The following PKP4 variants were observed in gnomAD, a reference collection of about 807,000 sequenced individuals.
The protein encoded by PKP4 is plakophilin 4, also known as plakophilin-4.
In PKP4, 90 loss-of-function variants were observed where a neutral mutation model predicts 145.1. The observed-to-expected ratio is 0.62, with a 90% CI of 0.52 to 0.74. PKP4 has a LOEUF of 0.74. PKP4 is among the 30% of genes least tolerant of loss of function. The pLI is 0.00. For missense variants in PKP4, 1,340 were observed against 1,482.7 expected (o/e 0.90, Z 1.58); for synonymous variants, 563 against 577.2 (o/e 0.98, Z 0.35).
At position 158,492,665 on chromosome 2, in the gene PKP4, C is replaced by A. The variant is rs956187519; in HGVS notation, c.-6+35447C>A. Among the ~76,000 whole-genome samples the A allele has an allele frequency of 2.0e-5, 3 of 152,298 alleles. No homozygotes were observed. The East Asian group carries it at 5.8e-4, about 29-fold the overall frequency. On this transcript the variant is annotated intron_variant, in intron 1 of 21. Transcript: ENST00000389759. ...AATTGCTTTCCTTCTTTGCCTGTTA[C>A]AATAGTATTTTTTTCTGTCTCCTTT...
intron 1 of PKP4, among the ~76,000 whole-genome samples, chr2:158,505,659 G>C (rs558620904): frequency 6.6e-6 from 1 of 152,210 alleles, no homozygotes; most frequent in Admixed American, 6.5e-5. Flanking sequence ...GATAGGAGAA[G>C]TGAGGGTTTT....
At chr2:158,594,047 A>G (rs2049503364) in intron 3 of PKP4, among the ~76,000 whole-genome samples, 1 of 152,216 alleles carries the variant, frequency 6.6e-6, no homozygotes, top group African/African-American at 2.4e-5. Context: ...ACTGAGGGAA[A>G]TATGAGTCTG....
At chr2:158,573,326 C>T (rs943869224) in intron 2 of PKP4, among the ~76,000 whole-genome samples, 1 of 152,106 alleles carries the variant, frequency 6.6e-6, no homozygotes, top group Non-Finnish European at 1.5e-5. Context: ...CCATTTATGG[C>T]TCTCTAAATA....
chr2:158,678,722 T>G, intron 21 of PKP4, 68 bp downstream of exon 21: 1 of 1,012,026 alleles, frequency 9.9e-7, no homozygotes, highest in Admixed American at 1.7e-5. Context: ...TCCACGTCGA[T>G]TGACTTCCCA....
chr2:158,677,133 AT>A (rs1277460013), intron 20 of PKP4: 1 of 430,224 alleles, frequency 2.3e-6, no homozygotes, highest in Non-Finnish European at 4.4e-6. Flanking sequence ...CAAATAAATC[AT>A]TTCTGGCTGC....
chr2:158,657,131 TG>T (rs1187883945), intron 11 of PKP4, among the ~76,000 whole-genome samples: 3 of 151,390 alleles, frequency 2.0e-5, no homozygotes, highest in Non-Finnish European at 4.4e-5. Context: ...TGTAGGACTC[TG>T]GGGGGGACTT....
At chr2:158,533,069 C>T in intron 1 of PKP4, 111 bp from the exon 2 acceptor site, 2 of 1,077,636 alleles carry the variant, frequency 1.9e-6, no homozygotes, top group Admixed American at 3.3e-5. Context: ...AGTTTTTGAT[C>T]ATGGTGTGTA....
chr2:158,667,459 C>T (rs1209676582), intron 16 of PKP4, among the ~76,000 whole-genome samples: 2 of 152,108 alleles, frequency 1.3e-5, no homozygotes, highest in African/African-American at 4.8e-5. Flanking sequence ...ATGCCAAGTC[C>T]CACAGCTGGT....
At chr2:158,600,396 T>C (rs1558866840) in intron 3 of PKP4, among the ~76,000 whole-genome samples, 1 of 152,182 alleles carries the variant, frequency 6.6e-6, no homozygotes, top group Non-Finnish European at 1.5e-5. Flanking sequence ...GATGGAGTCA[T>C]TTGTGGGCAC....
rs981865453 is a variant in PKP4, at chr2:158,649,259, G to A, written c.1909+6560G>A. ...TTGAGCAGGCAAGTCTCCAGGCTGA[G>A]TTCCTGATGTCCAGGCTGGAGGTGT... On this transcript the variant is annotated intron_variant, in intron 11 of 21. Coordinates refer to ENST00000389759, the MANE Select transcript of PKP4 (RefSeq NM_003628.6). Among the ~76,000 whole-genome samples the A allele has an allele frequency of 1.3e-4, 20 of 152,252 alleles. No homozygotes were observed. In the East Asian group the frequency reaches 3.9e-3, roughly 29 times the overall value.
chr2:158,556,025 G>A (rs927624427), intron 2 of PKP4, among the ~76,000 whole-genome samples: 5 of 152,232 alleles, frequency 3.3e-5, no homozygotes, highest in South Asian at 2.1e-4. Context: ...AACAGTGAAC[G>A]ATTAAAGACA....
At chr2:158,616,759 A>G (rs1306029120) in intron 4 of PKP4, among the ~76,000 whole-genome samples, 2 of 152,164 alleles carry the variant, frequency 1.3e-5, no homozygotes, top group African/African-American at 2.4e-5. Context: ...TGTCTATACT[A>G]AAAATCTCCT....
chr2:158,505,598 G>A (rs1445294523), intron 1 of PKP4, among the ~76,000 whole-genome samples: 1 of 152,126 alleles, frequency 6.6e-6, no homozygotes, highest in Non-Finnish European at 1.5e-5. Flanking sequence ...GATTAGTAAT[G>A]TATTAGGGGG....
chr2:158,541,225 G>A (rs529175021), intron 2 of PKP4, among the ~76,000 whole-genome samples: 2 of 151,932 alleles, frequency 1.3e-5, no homozygotes, highest in Admixed American at 6.6e-5. Flanking sequence ...CATGTTTAAG[G>A]GCTCCCAATT....
intron 1 of PKP4, among the ~76,000 whole-genome samples, chr2:158,494,815 C>T (rs890743726): frequency 4.6e-5 from 7 of 151,886 alleles, no homozygotes; most frequent in African/African-American, 1.5e-4. Flanking sequence ...AAGTGAGAAT[C>T]GTGCCTACCT....
chr2:158,652,965 C>G (rs2055534978), intron 11 of PKP4, among the ~76,000 whole-genome samples: 1 of 152,160 alleles, frequency 6.6e-6, no homozygotes, highest in South Asian at 2.1e-4. Flanking sequence ...CGACTAAAAC[C>G]AGAGCACTCA....
At chr2:158,663,746 A>G (rs1280197733) in intron 15 of PKP4, among the ~76,000 whole-genome samples, 1 of 152,204 alleles carries the variant, frequency 6.6e-6, no homozygotes, top group Non-Finnish European at 1.5e-5. Context: ...GAAGACATCT[A>G]ACCCAGCCAC....
intron 3 of PKP4, among the ~76,000 whole-genome samples, chr2:158,599,866 T>C (rs2050079841): frequency 6.6e-6 from 1 of 152,174 alleles, no homozygotes; most frequent in South Asian, 2.1e-4. Flanking sequence ...GCCTGCCCTC[T>C]GGCTGGAGGG....
intron 1 of PKP4, among the ~76,000 whole-genome samples, chr2:158,505,589 A>G (rs2040898916): frequency 6.6e-6 from 1 of 151,956 alleles, no homozygotes; most frequent in African/African-American, 2.4e-5. Flanking sequence ...GGTAGGGAGG[A>G]TTAGTAATGT....
Sources: gnomAD v4.1 joint callset for allele counts (sites outside exome capture counted in the v4.1 genomes callset) on GRCh38, gnomAD v4.1.1 for gene constraint, MANE v1.5 for transcripts, NCBI Gene and HGNC (gene_info 2026-07-23, HGNC 2026-07-21) for gene names.